Variants in PCDH15 observed in about 807,000 individuals in gnomAD.
PCDH15 encodes the protein protocadherin-15.
In PCDH15, 129 loss-of-function variants were observed where a neutral mutation model predicts 178.5. That is an observed-to-expected ratio of 0.72 (90% CI 0.63 to 0.84). The LOEUF is 0.84. Ranked by LOEUF, PCDH15 falls within the 40% of genes least tolerant of loss-of-function variation. The probability of loss-of-function intolerance (pLI) is 0.00; values close to 1 mark genes in which losing one functional copy is unlikely to be tolerated. For synonymous variants in PCDH15, 800 were observed against 732.0 expected, an observed-to-expected ratio of 1.09 and a Z score of -1.50; for missense variants, 2,230 against 2,099.9, an observed-to-expected ratio of 1.06 and a Z score of -1.21.
At chr10:55,570,248 C>T (rs1291074070) in intron 2 of PCDH15, among the ~76,000 whole-genome samples, 1 of 151,814 alleles carries the variant, frequency 6.6e-6, no homozygotes, top group Non-Finnish European at 1.5e-5. Context: ...CAAATACAGC[C>T]AACAAGAAGT....
intron 2 of PCDH15, among the ~76,000 whole-genome samples, chr10:54,950,513 C>T (rs1377764135): frequency 2.6e-5 from 4 of 152,018 alleles, no homozygotes; most frequent in Admixed American, 6.6e-5. Context: ...TAACTTGCTC[C>T]TCCTTTCCTT....
At chr10:55,314,193 TTG>T (rs1205775684) in intron 1 of PCDH15, among the ~76,000 whole-genome samples, 6 of 123,554 alleles carry the variant, frequency 4.9e-5, no homozygotes, top group Admixed American at 7.7e-5. Context: ...TTATATATGT[TTG>T]TGTGTATATA....
At chr10:54,148,927 T>C (rs1332963027) in intron 14 of PCDH15, among the ~76,000 whole-genome samples, 1 of 152,008 alleles carries the variant, frequency 6.6e-6, no homozygotes, top group African/African-American at 2.4e-5. Flanking sequence ...TTTCCAAGAA[T>C]TCCTCCTATT....
chr10:55,429,153 A>G (rs972666965), intron 2 of PCDH15, among the ~76,000 whole-genome samples: 1 of 152,056 alleles, frequency 6.6e-6, no homozygotes, highest in Admixed American at 6.6e-5. Context: ...ATATTTACCC[A>G]TGTAGTAACC....
At chr10:54,049,223 G>C (rs2093716488) in intron 18 of PCDH15, among the ~76,000 whole-genome samples, 1 of 151,822 alleles carries the variant, frequency 6.6e-6, no homozygotes. Context: ...CTTGATTTTT[G>C]TATCCTAAAA....
intron 2 of PCDH15, among the ~76,000 whole-genome samples, chr10:55,431,898 C>G (rs1282833508): frequency 6.6e-6 from 1 of 152,034 alleles, no homozygotes; most frequent in Admixed American, 6.6e-5. Context: ...AACCATTATT[C>G]TATGTGTGAA....
intron 6 of PCDH15, among the ~76,000 whole-genome samples, chr10:54,330,302 C>A (rs959253781): frequency 6.6e-6 from 1 of 151,816 alleles, no homozygotes; most frequent in African/African-American, 2.4e-5. Flanking sequence ...CAGCCTACTA[C>A]ATACTAGGAC....
At chr10:54,468,047 CTTTT>C (rs1178989464) in intron 3 of PCDH15, among the ~76,000 whole-genome samples, 1 of 151,748 alleles carries the variant, frequency 6.6e-6, no homozygotes, top group Non-Finnish European at 1.5e-5. Context: ...GGTCCTCTTT[CTTTT>C]TATCTTCATT....
chr10:54,448,612 G>A (rs1378611614), intron 3 of PCDH15, among the ~76,000 whole-genome samples: 2 of 151,416 alleles, frequency 1.3e-5, no homozygotes, highest in African/African-American at 4.8e-5. Flanking sequence ...TTCTCTTATG[G>A]AAAACATTAA....
chr10:53,892,851 C>T (rs1053454611), intron 26 of PCDH15, among the ~76,000 whole-genome samples: 1 of 152,062 alleles, frequency 6.6e-6, no homozygotes, highest in East Asian at 1.9e-4. Flanking sequence ...AAATAAAATA[C>T]AGAATACAGT....
At chr10:54,126,281 G>T (rs944429176) in intron 15 of PCDH15, among the ~76,000 whole-genome samples, 1 of 152,002 alleles carries the variant, frequency 6.6e-6, no homozygotes, top group Non-Finnish European at 1.5e-5. Context: ...ATATTGGCCA[G>T]ATGGGTCTGA....
At chr10:54,932,210 G>A (rs1409283627) in intron 2 of PCDH15, among the ~76,000 whole-genome samples, 1 of 152,176 alleles carries the variant, frequency 6.6e-6, no homozygotes, top group Non-Finnish European at 1.5e-5. Context: ...TCTTATCAGA[G>A]GAGATGAGCG....
Position 55,590,545 on chromosome 10 carries a change from T to C in PCDH15, c.-156+37080A>G, listed in dbSNP as rs1842824574. ...AGTTCATCTCAATTTTGTAGACTTA[T>C]ATGCTTCTGCCACATGTTAACTTGT... On this transcript the variant is annotated intron_variant, in intron 2 of 5. Coordinates refer to the PCDH15 transcript ENST00000613346. 1.3e-5 allele frequency among the ~76,000 whole-genome samples: 2 copies of C among 152,198 alleles called. 1 individual carries two copies. Among genetic ancestry groups the C allele is most frequent in the Admixed American group, 1.3e-4 (2 of 15,266 alleles).
intron 3 of PCDH15, among the ~76,000 whole-genome samples, chr10:54,831,463 A>C (rs1372565427): frequency 6.6e-6 from 1 of 152,100 alleles, no homozygotes; most frequent in Admixed American, 6.6e-5. Context: ...CCAGTTTTTA[A>C]CATTGTGATG....
intron 28 of PCDH15, among the ~76,000 whole-genome samples, chr10:53,851,671 A>AAT (rs71004485): frequency 0.019 from 1,967 of 102,908 alleles, 29 homozygotes; most frequent in Non-Finnish European, 0.03. Flanking sequence ...TCCTCCTAGA[A>AAT]ATATATATAT....
chr10:54,720,727 C>T (rs991180340), intron 1 of PCDH15, among the ~76,000 whole-genome samples: 8 of 152,036 alleles, frequency 5.3e-5, no homozygotes, highest in Non-Finnish European at 1.0e-4. Flanking sequence ...AACACCAGAA[C>T]ACTCTGATTC....
chr10:55,504,183 T>C (rs932472887), intron 2 of PCDH15, among the ~76,000 whole-genome samples: 1 of 151,318 alleles, frequency 6.6e-6, no homozygotes, highest in East Asian at 2.0e-4. Flanking sequence ...TAATGACATA[T>C]AATTGTAGAT....
At chr10:54,537,099 C>T (rs996940333) in intron 2 of PCDH15, among the ~76,000 whole-genome samples, 2 of 147,276 alleles carry the variant, frequency 1.4e-5, no homozygotes, top group African/African-American at 5.0e-5. Context: ...CCCAGGTTCA[C>T]GCCAGTCTTC....
chr10:55,240,652 CATA>C (rs1841517043), intron 1 of PCDH15, among the ~76,000 whole-genome samples: 2 of 152,116 alleles, frequency 1.3e-5, no homozygotes, highest in African/African-American at 4.8e-5. Context: ...CAAAACAGTT[CATA>C]ATATGTTTCT....
Sources: allele counts gnomAD v4.1 joint callset (sites outside exome capture counted in the v4.1 genomes callset), GRCh38; gene constraint gnomAD v4.1.1; transcripts MANE v1.5; gene names NCBI Gene and HGNC (gene_info 2026-07-23, HGNC 2026-07-21).